Variants in SND1 observed in about 807,000 individuals in gnomAD.
The protein encoded by SND1 is staphylococcal nuclease domain-containing protein 1.
In SND1, 38 loss-of-function variants were observed where a neutral mutation model predicts 121.7. That is an observed-to-expected ratio of 0.31 (90% CI 0.24 to 0.41). The LOEUF is 0.41. SND1 is among the 10% of genes least tolerant of loss of function. The probability of loss-of-function intolerance (pLI) is 1.00; values close to 1 mark genes in which losing one functional copy is unlikely to be tolerated. For missense variants in SND1, 868 were observed against 1,184.6 expected, an observed-to-expected ratio of 0.73 and a Z score of 3.92; for synonymous variants, 401 against 447.4, an observed-to-expected ratio of 0.90 and a Z score of 1.31.
chr7:128,007,867 T>C (rs1467613217), intron 16 of SND1, among the ~76,000 whole-genome samples: 1 of 152,230 alleles, frequency 6.6e-6, no homozygotes, highest in Non-Finnish European at 1.5e-5. Context: ...CTTTCATAGA[T>C]AGAAGGGATC....
chr7:128,070,400 T>A (rs187153469), intron 16 of SND1, among the ~76,000 whole-genome samples: 2 of 152,334 alleles, frequency 1.3e-5, no homozygotes, highest in African/African-American at 2.4e-5. Flanking sequence ...CGTCAGTGCA[T>A]GCTCTCATAC....
chr7:127,687,357 T>A (rs1291318145), intron 2 of SND1, among the ~76,000 whole-genome samples: 9 of 152,228 alleles, frequency 5.9e-5, no homozygotes, highest in Non-Finnish European at 1.3e-4. Flanking sequence ...ATTTTCATGT[T>A]TGTTACACGG....
chr7:128,089,072 T>G (rs1793732698), intron 21 of SND1, among the ~76,000 whole-genome samples: 1 of 152,136 alleles, frequency 6.6e-6, no homozygotes, highest in East Asian at 1.9e-4. Flanking sequence ...GGTATTTTTT[T>G]GAGGCCAAGT....
chr7:127,694,601 T>C (rs924214952), intron 2 of SND1: 12 of 454,190 alleles, frequency 2.6e-5, no homozygotes, highest in African/African-American at 2.0e-4. Flanking sequence ...GGCCTGTTTT[T>C]AGTGTCTGTG....
chr7:128,062,243 G>A (rs1219321901), intron 16 of SND1, among the ~76,000 whole-genome samples: 3 of 152,376 alleles, frequency 2.0e-5, no homozygotes, highest in African/African-American at 7.2e-5. Context: ...GCATCGCTTG[G>A]TGAGGAAAGC....
At chr7:127,981,627 C>T (rs879426218) in intron 15 of SND1, among the ~76,000 whole-genome samples, 2 of 152,132 alleles carry the variant, frequency 1.3e-5, no homozygotes, top group African/African-American at 2.4e-5. Context: ...TTGTTATCTT[C>T]TGTACCAGCT....
chr7:127,877,289 C>G (rs1799710176), intron 12 of SND1, among the ~76,000 whole-genome samples: 1 of 152,162 alleles, frequency 6.6e-6, no homozygotes, highest in South Asian at 2.1e-4. Context: ...CTTCTTCCTT[C>G]TCCTTTGCTA....
chr7:127,988,693 A>G (rs1802453142), intron 15 of SND1, among the ~76,000 whole-genome samples: 1 of 152,210 alleles, frequency 6.6e-6, no homozygotes, highest in African/African-American at 2.4e-5. Flanking sequence ...GGTACTCAGT[A>G]AGTGAAGCTC....
At chr7:127,884,966 G>A (rs1268235577) in intron 12 of SND1, among the ~76,000 whole-genome samples, 1 of 152,090 alleles carries the variant, frequency 6.6e-6, no homozygotes, top group Non-Finnish European at 1.5e-5. Flanking sequence ...TAACACTGAT[G>A]TCACCCCTCC....
chr7:127,929,793 C>T (rs1485640599), intron 15 of SND1, among the ~76,000 whole-genome samples: 1 of 152,170 alleles, frequency 6.6e-6, no homozygotes, highest in African/African-American at 2.4e-5. Context: ...ATTAAGATCC[C>T]AGTCCTTTAT....
At chr7:127,721,554 C>A (rs1177488209) in intron 10 of SND1, among the ~76,000 whole-genome samples, 154 bp downstream of exon 10, 4 of 152,132 alleles carry the variant, frequency 2.6e-5, no homozygotes, top group Admixed American at 2.6e-4. Flanking sequence ...ATATTTATAG[C>A]CTGACTACTA....
chr7:127,883,081 G>A (rs1799825845), intron 12 of SND1, among the ~76,000 whole-genome samples: 1 of 152,116 alleles, frequency 6.6e-6, no homozygotes, highest in African/African-American at 2.4e-5. Flanking sequence ...TGATCAGGTG[G>A]TTCCTGATAT....
At chr7:127,907,061 C>A (rs1251717388) in intron 14 of SND1, among the ~76,000 whole-genome samples, 2 of 152,124 alleles carry the variant, frequency 1.3e-5, no homozygotes, top group Non-Finnish European at 2.9e-5. Flanking sequence ...CTCTCAGTCA[C>A]CACATAAATA....
intron 11 of SND1, among the ~76,000 whole-genome samples, chr7:127,814,312 C>CT (rs1340660905): frequency 1.3e-5 from 2 of 151,984 alleles, no homozygotes; most frequent in African/African-American, 2.4e-5. Flanking sequence ...AGAGGACAGG[C>CT]TTTTTTTCCC....
rs1793671728 is a variant in SND1 at position 128,085,350 on chromosome 7, G to A, written c.2235-361G>A. ...CAGGGTGACGAAGTGACTTGGATAT[G>A]TTCCCTGCTGCGGCCTCCCAGGCAG... On this transcript the variant is annotated intron_variant, in intron 19 of 23. Coordinates refer to ENST00000354725, the MANE Select transcript of SND1 (RefSeq NM_014390.4). This position sits in a 1 kb window ranked among gnomAD's most constrained non-coding sequence, Gnocchi z 4.4. 6.6e-6 allele frequency among the ~76,000 whole-genome samples: 1 copy of A among 152,210 alleles called. No individual in the cohort carries two copies. The highest frequency in any genetic ancestry group is 2.1e-4 in the South Asian group (1 of 4,834).
In SND1 at chr7:128,092,506, A is replaced by T. The variant is rs1793801048; in HGVS notation, c.*448A>T. ...ATTTTTCTGATACGTCCATTCTCAA[A>T]TGCCAGTGTGTTCACATCTTCGCTC... On this transcript the variant is annotated 3_prime_UTR_variant, in exon 24 of 24. Transcript: ENST00000354725. This position sits in a 1 kb window ranked among gnomAD's most constrained non-coding sequence, Gnocchi z 4.9. The T allele has an allele frequency of 5.5e-6, 1 of 180,364 alleles. No individual in the cohort carries two copies. The highest frequency in any genetic ancestry group is 5.4e-5 in the Admixed American group (1 of 18,546). 11.2% of individuals were successfully genotyped at this position (180,364 alleles called of 1,614,324 possible).
intron 16 of SND1, among the ~76,000 whole-genome samples, chr7:128,003,524 G>T (rs1202507008): frequency 6.6e-6 from 1 of 152,096 alleles, no homozygotes; most frequent in African/African-American, 2.4e-5. Context: ...AGACCAACAG[G>T]TCCCTCCATT....
intron 15 of SND1, among the ~76,000 whole-genome samples, chr7:127,966,270 C>T (rs1801850588): frequency 6.6e-6 from 1 of 151,434 alleles, no homozygotes; most frequent in Non-Finnish European, 1.5e-5. Context: ...TTTAACACCC[C>T]ACTGTCAACA....
chr7:128,026,734 G>C (rs2116973369), intron 16 of SND1, among the ~76,000 whole-genome samples: 1 of 152,334 alleles, frequency 6.6e-6, no homozygotes, highest in South Asian at 2.1e-4. Flanking sequence ...CTTCTGCTGA[G>C]GTGGCATTTA....
Sources: allele counts gnomAD v4.1 joint callset (sites outside exome capture counted in the v4.1 genomes callset), GRCh38; gene constraint gnomAD v4.1.1; non-coding constraint Gnocchi (gnomAD v3.1); transcripts MANE v1.5; gene names NCBI Gene and HGNC (gene_info 2026-07-23, HGNC 2026-07-21).